The following DGKI variants were observed in gnomAD, a reference collection of about 807,000 sequenced individuals.
DGKI encodes diacylglycerol kinase iota, also known as DAG kinase iota.
In DGKI, 55 loss-of-function variants were observed where a neutral mutation model predicts 147.5. That is an observed-to-expected ratio of 0.37 (90% CI 0.30 to 0.47). The LOEUF is 0.47. DGKI is among the 20% of genes least tolerant of loss of function. DGKI has a pLI of 1.00. For synonymous variants in DGKI, 469 were observed against 477.1 expected, an observed-to-expected ratio of 0.98 and a Z score of 0.22; for missense variants, 1,007 against 1,323.8, an observed-to-expected ratio of 0.76 and a Z score of 3.71.
chr7:137,630,869 T>C (rs928849377), intron 6 of DGKI, among the ~76,000 whole-genome samples: 2 of 152,216 alleles, frequency 1.3e-5, no homozygotes, highest in African/African-American at 4.8e-5. Flanking sequence ...GTAAGGCAAC[T>C]AGCTATCATT....
At chr7:137,621,463 G>C (rs147881234) in intron 7 of DGKI, among the ~76,000 whole-genome samples, 2 of 152,188 alleles carry the variant, frequency 1.3e-5, no homozygotes, top group African/African-American at 4.8e-5. Flanking sequence ...TGGAAATCCA[G>C]GTCCCAAACC....
intron 28 of DGKI, among the ~76,000 whole-genome samples, chr7:137,425,667 T>G (rs1198955914): frequency 2.6e-5 from 4 of 152,114 alleles, no homozygotes. Context: ...TTTAGAAGAA[T>G]GTATAACTAG....
intron 1 of DGKI, among the ~76,000 whole-genome samples, chr7:137,730,311 T>C (rs1794838372): frequency 6.6e-6 from 1 of 152,094 alleles, no homozygotes; most frequent in African/African-American, 2.4e-5. Flanking sequence ...ACGTTTTGGT[T>C]AATGGTACCG....
intron 1 of DGKI, among the ~76,000 whole-genome samples, chr7:137,835,449 C>T (rs1389815182): frequency 6.6e-6 from 1 of 152,170 alleles, no homozygotes; most frequent in African/African-American, 2.4e-5. Context: ...ACCTGAAATG[C>T]AATTGCTATA....
intron 3 of DGKI, among the ~76,000 whole-genome samples, chr7:137,672,121 AC>A (rs1822861933): frequency 6.6e-6 from 1 of 152,096 alleles, no homozygotes; most frequent in African/African-American, 2.4e-5. Flanking sequence ...GCTCACTTAC[AC>A]CTCAACCACA....
chr7:137,483,967 G>A lies in DGKI; in HGVS notation c.2373+1407C>T, dbSNP rs184322582. On this transcript the variant is annotated intron_variant, in intron 23 of 32. Coordinates refer to ENST00000614521, the MANE Select transcript of DGKI (RefSeq NM_001321708.2). ...TATGCAAATAGTCACTCTGATGAAA[G>A]TTGTGCTCTATCTAAAAAATTTGGT... is the stretch of plus-strand genomic sequence containing the variant. Among the ~76,000 whole-genome samples the A allele has an allele frequency of 1.9e-3, 282 of 152,148 alleles. 3 individuals carry two copies. The highest frequency in any genetic ancestry group is 6.5e-3 in the African/African-American group (271 of 41,520).
At chr7:137,731,795 C>G (rs1457257944) in intron 1 of DGKI, among the ~76,000 whole-genome samples, 1 of 152,064 alleles carries the variant, frequency 6.6e-6, no homozygotes, top group Non-Finnish European at 1.5e-5. Context: ...CCCACTTGAC[C>G]TTCAGGAACC....
intron 23 of DGKI, among the ~76,000 whole-genome samples, chr7:137,477,458 C>T (rs1193785420): frequency 2.6e-5 from 4 of 152,084 alleles, no homozygotes; most frequent in Admixed American, 6.5e-5. Flanking sequence ...GGCAACAATA[C>T]TACACAACCT....
intron 1 of DGKI, among the ~76,000 whole-genome samples, chr7:137,790,551 A>G (rs1796820696): frequency 6.6e-6 from 1 of 152,230 alleles, no homozygotes; most frequent in African/African-American, 2.4e-5. Context: ...CGCACTAATC[A>G]ATAAAGCAAA....
intron 1 of DGKI, among the ~76,000 whole-genome samples, chr7:137,756,932 T>C (rs1042837043): frequency 1.3e-5 from 2 of 152,186 alleles, no homozygotes. Context: ...TCTGCCTTCT[T>C]CTCTCAACCA....
chr7:137,795,927 C>T (rs1398931153), intron 1 of DGKI, among the ~76,000 whole-genome samples: 1 of 152,188 alleles, frequency 6.6e-6, no homozygotes, highest in Non-Finnish European at 1.5e-5. Flanking sequence ...ACAAAGAACA[C>T]AGACTTTACA....
intron 1 of DGKI, chr7:137,843,529 A>C: frequency 3.7e-6 from 2 of 546,658 alleles, no homozygotes; most frequent in Non-Finnish European, 4.7e-6. Context: ...AGAATAGATA[A>C]TGAGGGGAAA....
intron 3 of DGKI, among the ~76,000 whole-genome samples, chr7:137,671,985 G>A (rs1822856266): frequency 6.6e-6 from 1 of 152,126 alleles, no homozygotes; most frequent in Non-Finnish European, 1.5e-5. Context: ...AGATATATCT[G>A]GTAACAGCAT....
chr7:137,789,357 C>T (rs1796776228), intron 1 of DGKI, among the ~76,000 whole-genome samples: 1 of 151,964 alleles, frequency 6.6e-6, no homozygotes, highest in Non-Finnish European at 1.5e-5. Context: ...CCCATGCTAC[C>T]CTCCCACTGA....
intron 6 of DGKI, among the ~76,000 whole-genome samples, chr7:137,636,516 T>TTCCACCCACCTG (rs1821318167): frequency 6.6e-6 from 1 of 152,200 alleles, no homozygotes; most frequent in Non-Finnish European, 1.5e-5. Context: ...TCCACCCAGA[T>TTCCACCCACCTG]AACTCTGCTT....
At position 137,558,263 on chromosome 7, in the gene DGKI, G is replaced by GT. The variant is rs111532113; in HGVS notation, c.1948-5696dup. On this transcript the variant is annotated intron_variant, in intron 19 of 32. Coordinates refer to ENST00000614521, the MANE Select transcript of DGKI (RefSeq NM_001321708.2). ...AAGAATTAACATTTCTAGGCACTGGGTTTTTTTTATTATTTTATTTATTTA... is the reference window on the plus strand; with the variant it reads ...AAGAATTAACATTTCTAGGCACTGGGTTTTTTTTTATTATTTTATTTATTTA... 9.9e-3 allele frequency among the ~76,000 whole-genome samples: 1,507 copies of GT among 151,760 alleles called. 20 individuals carry two copies. Among genetic ancestry groups the GT allele is most frequent in the African/African-American group, 0.023 (967 of 41,354 alleles).
intron 28 of DGKI, among the ~76,000 whole-genome samples, chr7:137,441,202 A>G (rs576621469): frequency 1.6e-4 from 25 of 151,948 alleles, no homozygotes; most frequent in African/African-American, 5.8e-4. Flanking sequence ...GGGCGAATCG[A>G]GAGGTCAGGA....
At chr7:137,734,004 C>T (rs1297239887) in intron 1 of DGKI, among the ~76,000 whole-genome samples, 1 of 152,086 alleles carries the variant, frequency 6.6e-6, no homozygotes, top group Non-Finnish European at 1.5e-5. Context: ...CCTAAAATCT[C>T]TTTCAACTGC....
chr7:137,496,939 C>T (rs546559043), intron 21 of DGKI, among the ~76,000 whole-genome samples: 1 of 151,664 alleles, frequency 6.6e-6, no homozygotes, highest in South Asian at 2.1e-4. Flanking sequence ...ACAACAAAAA[C>T]AACAAAAACT....
Sources: gnomAD v4.1 joint callset for allele counts (sites outside exome capture counted in the v4.1 genomes callset) on GRCh38, gnomAD v4.1.1 for gene constraint, MANE v1.5 for transcripts, NCBI Gene and HGNC (gene_info 2026-07-23, HGNC 2026-07-21) for gene names.